The following NCAM2 variants were observed in gnomAD, a reference collection of about 807,000 sequenced individuals.
NCAM2 encodes the protein N-CAM-2.
A neutral mutation model predicts 98.1 loss-of-function variants in NCAM2; 30 were observed. That is an observed-to-expected ratio of 0.31 (90% CI 0.23 to 0.41). The LOEUF is 0.41. NCAM2 is among the 10% of genes least tolerant of loss of function. The probability of loss-of-function intolerance (pLI) is 1.00; values close to 1 mark genes in which losing one functional copy is unlikely to be tolerated. For missense variants in NCAM2, 867 were observed against 1,005.8 expected (o/e 0.86, Z 1.87); for synonymous variants, 368 against 342.4 (o/e 1.07, Z -0.83).
intron 1 of NCAM2, among the ~76,000 whole-genome samples, chr21:21,199,935 G>A (rs949892650): frequency 6.6e-6 from 1 of 151,982 alleles, no homozygotes; most frequent in Non-Finnish European, 1.5e-5. Context: ...ACTCTCATAA[G>A]TGGCCACTAA....
At chr21:21,269,704 AT>A (rs1412668535) in intron 1 of NCAM2, among the ~76,000 whole-genome samples, 1 of 152,156 alleles carries the variant, frequency 6.6e-6, no homozygotes, top group Non-Finnish European at 1.5e-5. Context: ...TAAGTCTCTC[AT>A]TTTAGTGCTT....
chr21:21,011,966 A>C (rs933329344), intron 1 of NCAM2, among the ~76,000 whole-genome samples: 4 of 152,146 alleles, frequency 2.6e-5, no homozygotes, highest in African/African-American at 9.7e-5. Context: ...GTCTGTTATA[A>C]AAAAGACAAA....
At chr21:21,017,315 A>G (rs1231493503) in intron 1 of NCAM2, among the ~76,000 whole-genome samples, 1 of 143,938 alleles carries the variant, frequency 6.9e-6, no homozygotes, top group Non-Finnish European at 1.5e-5. Context: ...TGTCCCAGCT[A>G]CTTGGGAGGC....
rs570029543 is a variant in NCAM2, at chr21:21,112,239, C to A, written c.55+113621C>A. 1.3e-3 allele frequency among the ~76,000 whole-genome samples: 201 copies of A among 152,198 alleles called. 5 individuals are homozygous for A. The highest frequency in any genetic ancestry group is 1.6e-4 in the Non-Finnish European group (11 of 68,040). The stretch of plus-strand genomic sequence containing the variant: ...TTTACCCAGCCCCTATCCTCCCTCA[C>A]ACTTTCTCTCCTATTTTCCTTTTTC... On this transcript the variant is annotated intron_variant, in intron 1 of 17. Coordinates refer to ENST00000400546, the MANE Select transcript of NCAM2 (RefSeq NM_004540.5).
intron 15 of NCAM2, among the ~76,000 whole-genome samples, chr21:21,505,906 T>A (rs233778): frequency 0.84 from 128,166 of 151,766 alleles, 54,230 homozygotes; most frequent in Middle Eastern, 0.93. Context: ...TTTTTATTAT[T>A]ACTGTCTCCA....
chr21:21,479,441 G>C (rs1484710423), intron 15 of NCAM2, among the ~76,000 whole-genome samples: 1 of 151,318 alleles, frequency 6.6e-6, no homozygotes, highest in Non-Finnish European at 1.5e-5. Context: ...AAAATTAGCC[G>C]GGCGTGGTGG....
intron 1 of NCAM2, among the ~76,000 whole-genome samples, chr21:21,230,918 TG>T (rs2070597556): frequency 6.6e-6 from 1 of 151,358 alleles, no homozygotes; most frequent in Non-Finnish European, 1.5e-5. Flanking sequence ...TGTAGGTGAC[TG>T]GAATATTTTA....
intron 1 of NCAM2, among the ~76,000 whole-genome samples, chr21:21,279,449 T>C (rs2072848453): frequency 6.6e-6 from 1 of 152,072 alleles, no homozygotes; most frequent in South Asian, 2.1e-4. Flanking sequence ...ACCTCCGCCT[T>C]CCAGTTTCAA....
chr21:21,262,871 A>G (rs2071972835), intron 1 of NCAM2, among the ~76,000 whole-genome samples: 3 of 152,082 alleles, frequency 2.0e-5, no homozygotes, highest in Non-Finnish European at 2.9e-5. Flanking sequence ...CAGAGAGAGA[A>G]GAGAGCTTGT....
intron 15 of NCAM2, among the ~76,000 whole-genome samples, chr21:21,486,302 T>TCAAA (rs1986369840): frequency 6.6e-5 from 1 of 15,206 alleles, no homozygotes; most frequent in Non-Finnish European, 1.3e-4. Flanking sequence ...AGACTCCGTC[T>TCAAA]CAAAAAAAAA....
At chr21:21,229,494 A>C (rs990783571) in intron 1 of NCAM2, among the ~76,000 whole-genome samples, 1 of 151,578 alleles carries the variant, frequency 6.6e-6, no homozygotes, top group African/African-American at 2.4e-5. Context: ...GATACTTTGC[A>C]TACATACATT....
At chr21:21,408,338 T>G (rs2076784896) in intron 9 of NCAM2, among the ~76,000 whole-genome samples, 1 of 152,244 alleles carries the variant, frequency 6.6e-6, no homozygotes, top group African/African-American at 2.4e-5. Flanking sequence ...TTAGCACACC[T>G]AAGTACAAAG....
At chr21:21,029,364 T>A (rs925509313) in intron 1 of NCAM2, among the ~76,000 whole-genome samples, 1 of 152,186 alleles carries the variant, frequency 6.6e-6, no homozygotes, top group African/African-American at 2.4e-5. Flanking sequence ...GTCATGTTGC[T>A]AGTGTGCTAT....
At chr21:21,422,689 A>G (rs1157188182) in intron 11 of NCAM2, among the ~76,000 whole-genome samples, 1 of 152,176 alleles carries the variant, frequency 6.6e-6, no homozygotes, top group Non-Finnish European at 1.5e-5. Flanking sequence ...TTGTTTTCTT[A>G]ACTTTTAATC....
At chr21:21,413,490 G>A (rs2076928125) in intron 10 of NCAM2, among the ~76,000 whole-genome samples, 1 of 151,994 alleles carries the variant, frequency 6.6e-6, no homozygotes, top group Non-Finnish European at 1.5e-5. Flanking sequence ...AGCATTTTTA[G>A]CTGGATACAG....
intron 17 of NCAM2, among the ~76,000 whole-genome samples, chr21:21,536,980 A>AAAAC (rs1990016352): frequency 6.6e-6 from 1 of 152,020 alleles, no homozygotes; most frequent in East Asian, 1.9e-4. Flanking sequence ...GAGACAAAAG[A>AAAAC]AAACATATAC....
chr21:21,233,835 T>C (rs574547474), intron 1 of NCAM2, among the ~76,000 whole-genome samples: 20 of 151,842 alleles, frequency 1.3e-4, no homozygotes, highest in African/African-American at 4.6e-4. Flanking sequence ...AAAATTACCA[T>C]TTTTGTTTGG....
At chr21:21,461,901 G>A (rs1426920972) in intron 12 of NCAM2, among the ~76,000 whole-genome samples, 1 of 151,970 alleles carries the variant, frequency 6.6e-6, no homozygotes, top group Non-Finnish European at 1.5e-5. Context: ...TCATTCGTAC[G>A]TGTGGAGCTG....
intron 1 of NCAM2, among the ~76,000 whole-genome samples, chr21:21,263,158 T>C (rs979928709): frequency 7.2e-5 from 11 of 152,182 alleles, no homozygotes; most frequent in African/African-American, 2.6e-4. Flanking sequence ...TCAGTAAAGT[T>C]TCATGATACA....
Sources: allele counts gnomAD v4.1 joint callset (sites outside exome capture counted in the v4.1 genomes callset), GRCh38; gene constraint gnomAD v4.1.1; transcripts MANE v1.5; gene names NCBI Gene and HGNC (gene_info 2026-07-23, HGNC 2026-07-21).